The following NKAIN3 variants were observed in gnomAD, a reference collection of about 807,000 sequenced individuals.
The protein encoded by NKAIN3 is sodium/potassium transporting ATPase interacting 3, also known as sodium/potassium-transporting ATPase subunit beta-1-interacting protein 3.
Under a neutral mutation model 30.2 loss-of-function variants are expected in NKAIN3, and 25 were observed. The ratio of observed to expected loss-of-function variants is 0.83; its 90% CI spans 0.60 to 1.16. The LOEUF is 1.16. Among genes scored for constraint, NKAIN3 ranks in the 50% most tolerant of loss-of-function variants. The probability of loss-of-function intolerance (pLI) is 0.00; values close to 1 mark genes in which losing one functional copy is unlikely to be tolerated. For synonymous variants in NKAIN3, 91 were observed against 89.6 expected (o/e 1.02, Z -0.09); for missense variants, 225 against 254.1 (o/e 0.89, Z 0.78).
At chr8:62,782,174 C>T (rs551933319) in intron 4 of NKAIN3, among the ~76,000 whole-genome samples, 1 of 151,818 alleles carries the variant, frequency 6.6e-6, no homozygotes, top group South Asian at 2.1e-4. Context: ...AAAAGATACT[C>T]GACATCACTA....
At chr8:62,502,863 C>G (rs1001961127) in intron 1 of NKAIN3, among the ~76,000 whole-genome samples, 5 of 152,258 alleles carry the variant, frequency 3.3e-5, no homozygotes, top group African/African-American at 1.2e-4. Flanking sequence ...TTCAGATGGA[C>G]CAGGGTTAGA....
intron 4 of NKAIN3, among the ~76,000 whole-genome samples, chr8:62,819,784 G>A (rs1381164543): frequency 6.6e-6 from 1 of 151,926 alleles, no homozygotes; most frequent in Non-Finnish European, 1.5e-5. Context: ...CCACACTTTT[G>A]ACTCTGGGAA....
chr8:62,293,858 G>A (rs549352020), intron 1 of NKAIN3, among the ~76,000 whole-genome samples: 1 of 152,330 alleles, frequency 6.6e-6, no homozygotes, highest in African/African-American at 2.4e-5. Context: ...AGGCAGGCAG[G>A]CCTCCTTGAG....
intron 1 of NKAIN3, among the ~76,000 whole-genome samples, chr8:62,433,359 A>G (rs778117732): frequency 3.3e-5 from 5 of 152,114 alleles, no homozygotes; most frequent in Non-Finnish European, 5.9e-5. Flanking sequence ...AAAAACGAAA[A>G]CAATGCAAAT....
At chr8:62,345,378 T>TATACAC (rs1815915624) in intron 1 of NKAIN3, among the ~76,000 whole-genome samples, 1 of 107,834 alleles carries the variant, frequency 9.3e-6, no homozygotes, top group African/African-American at 3.2e-5. Flanking sequence ...TATACACATA[T>TATACAC]ATGTATATAT....
At chr8:62,675,986 C>A (rs928132649) in intron 3 of NKAIN3, among the ~76,000 whole-genome samples, 1 of 152,062 alleles carries the variant, frequency 6.6e-6, no homozygotes, top group Non-Finnish European at 1.5e-5. Flanking sequence ...TCCAATTATT[C>A]TCTGAAGAAG....
chr8:62,908,550 A>G (rs1373044151), intron 4 of NKAIN3, among the ~76,000 whole-genome samples: 1 of 152,144 alleles, frequency 6.6e-6, no homozygotes, highest in Non-Finnish European at 1.5e-5. Context: ...AGTGGGAGGT[A>G]GTTGAATCTT....
chr8:62,834,676 A>C (rs1819304703), intron 4 of NKAIN3, among the ~76,000 whole-genome samples: 2 of 152,062 alleles, frequency 1.3e-5, no homozygotes, highest in Non-Finnish European at 2.9e-5. Context: ...TTGAAAGAAA[A>C]CATAAGTGAC....
Position 62,476,538 on chromosome 8 carries a change from C to A in NKAIN3, c.55-103001C>A, listed in dbSNP as rs148484528. ...GTGGCACAATCTGGGCTCACTGTAA[C>A]CTCCACCTCCTAGGTTCAAGCGATT... On this transcript the variant is annotated intron_variant, in intron 1 of 6. Transcript: ENST00000623646. Among the ~76,000 whole-genome samples the A allele has an allele frequency of 2.1e-3, 315 of 151,982 alleles. 2 individuals carry two copies. Among genetic ancestry groups the A allele is most frequent in the African/African-American group, 7.2e-3 (298 of 41,436 alleles).
intron 4 of NKAIN3, among the ~76,000 whole-genome samples, chr8:62,837,215 G>C (rs1194722240): frequency 6.6e-6 from 1 of 152,084 alleles, no homozygotes; most frequent in Admixed American, 6.6e-5. Flanking sequence ...TATTTAAGAT[G>C]TTTGAAGTTG....
At chr8:62,804,313 AAG>A (rs948231529) in intron 4 of NKAIN3, among the ~76,000 whole-genome samples, 1 of 152,186 alleles carries the variant, frequency 6.6e-6, no homozygotes, top group African/African-American at 2.4e-5. Context: ...ACAACCAAAA[AAG>A]AGAATACCAA....
intron 1 of NKAIN3, among the ~76,000 whole-genome samples, chr8:62,525,787 C>T (rs1585906605): frequency 6.6e-6 from 1 of 152,112 alleles, no homozygotes; most frequent in African/African-American, 2.4e-5. Context: ...GGTGTGGCTA[C>T]AAAATCTATG....
chr8:62,963,866 T>A (rs1426866741), intron 6 of NKAIN3, among the ~76,000 whole-genome samples: 2 of 152,132 alleles, frequency 1.3e-5, no homozygotes. Flanking sequence ...AGTCGTTTTC[T>A]TCATGCTGTA....
intron 4 of NKAIN3, among the ~76,000 whole-genome samples, chr8:62,833,989 G>A (rs773627163): frequency 2.0e-5 from 3 of 152,038 alleles, no homozygotes; most frequent in Non-Finnish European, 4.4e-5. Context: ...TGACCAAGTG[G>A]GCTTTATTTC....
At chr8:62,708,372 C>A (rs1206609964) in intron 3 of NKAIN3, among the ~76,000 whole-genome samples, 3 of 152,036 alleles carry the variant, frequency 2.0e-5, no homozygotes, top group Non-Finnish European at 4.4e-5. Flanking sequence ...GATGTGTTTC[C>A]ATTTGTTTAT....
chr8:62,657,233 A>C (rs916670100), intron 3 of NKAIN3, among the ~76,000 whole-genome samples: 25 of 152,340 alleles, frequency 1.6e-4, no homozygotes, highest in South Asian at 6.2e-4. Flanking sequence ...TCAATATTTC[A>C]TAAGTATACA....
chr8:62,637,795 G>C (rs550976313), intron 3 of NKAIN3, among the ~76,000 whole-genome samples: 1 of 152,134 alleles, frequency 6.6e-6, no homozygotes, highest in Non-Finnish European at 1.5e-5. Context: ...TGAGAGTGAG[G>C]CCAACGAGGG....
At chr8:62,569,763 G>A (rs1809872990) in intron 1 of NKAIN3, among the ~76,000 whole-genome samples, 1 of 150,406 alleles carries the variant, frequency 6.6e-6, no homozygotes, top group African/African-American at 2.4e-5. Flanking sequence ...GCAGTAGAGT[G>A]AGACTGTCTG....
chr8:62,956,050 G>C (rs531561870), intron 6 of NKAIN3, among the ~76,000 whole-genome samples: 4 of 152,296 alleles, frequency 2.6e-5, no homozygotes, highest in African/African-American at 9.6e-5. Context: ...AGACTGAATT[G>C]AAATCATTGT....
Sources: allele counts gnomAD v4.1 joint callset (sites outside exome capture counted in the v4.1 genomes callset), GRCh38; gene constraint gnomAD v4.1.1; transcripts MANE v1.5; gene names NCBI Gene and HGNC (gene_info 2026-07-23, HGNC 2026-07-21).